Variants in SMC6 observed in about 807,000 individuals in gnomAD.
SMC6 encodes structural maintenance of chromosomes protein 6.
SMC6 carries 79 observed loss-of-function variants against 142.2 expected under a neutral mutation model. That is an observed-to-expected ratio of 0.56 (90% CI 0.46 to 0.67). SMC6 has a LOEUF of 0.67. Ranked by LOEUF, SMC6 falls within the 30% of genes least tolerant of loss-of-function variation. The pLI is 0.00. For missense variants in SMC6, 1,072 were observed against 1,284.0 expected (o/e 0.83, Z 2.52); for synonymous variants, 411 against 412.4 (o/e 1.00, Z 0.04).
intron 9 of SMC6, among the ~76,000 whole-genome samples, chr2:17,723,171 C>A (rs1363361377): frequency 6.6e-6 from 1 of 152,122 alleles, no homozygotes; most frequent in Non-Finnish European, 1.5e-5. Flanking sequence ...ACAACATCTG[C>A]CTAGATCATT....
chr2:17,663,971 C>T lies in SMC6; in HGVS notation c.*1528G>A, dbSNP rs187538248. On this transcript the variant is annotated 3_prime_UTR_variant, in exon 28 of 28. Transcript: ENST00000448223. ...AAATCAAAACTTTGTGAGGCCAAAG[C>T]AATGAATAATCTTCAATTCAACAAG... is the stretch of plus-strand genomic sequence containing the variant. The T allele has an allele frequency of 6.6e-6, 1 of 152,226 alleles. No individual in the cohort carries two copies. Among genetic ancestry groups the T allele is most frequent in the East Asian group, 1.9e-4 (1 of 5,192 alleles). 9.4% of individuals were successfully genotyped at this position (152,226 alleles called of 1,614,324 possible).
chr2:17,745,387 T>C (rs931675831), intron 3 of SMC6, among the ~76,000 whole-genome samples: 2 of 152,238 alleles, frequency 1.3e-5, no homozygotes, highest in East Asian at 1.9e-4. Context: ...TATAGGGCTA[T>C]TCAGATGATC....
chr2:17,665,425 A>T lies in SMC6; in HGVS notation c.*74T>A. 1 of 871,308 alleles carries T rather than the reference A, an allele frequency of 1.1e-6. No individual in the cohort carries two copies. The highest frequency in any genetic ancestry group is 1.7e-6 in the Non-Finnish European group (1 of 577,272). The allele number at this position is 871,308 out of a possible 1,614,324, so 54.0% of individuals were successfully genotyped here. A position where few individuals can be genotyped will look rare whatever the true frequency, so the allele number is the denominator to read the frequency against. ...AGAATGCCTCCAGTCTCATTTTATT[A>T]TATCAAAGAGTCCAGAATTTTTTTT... is the stretch of plus-strand genomic sequence containing the variant. On this transcript the variant is annotated 3_prime_UTR_variant, in exon 28 of 28. Coordinates refer to ENST00000448223, the MANE Select transcript of SMC6 (RefSeq NM_001142286.2).
At chr2:17,725,464 ATG>A (rs1180429009) in intron 8 of SMC6, 106 bp from the exon 9 acceptor site, 1 of 651,902 alleles carries the variant, frequency 1.5e-6, no homozygotes, top group African/African-American at 1.9e-5. Context: ...TAGATCAATG[ATG>A]TAAAAAGACA....
In SMC6 at chr2:17,748,469, C is replaced by T. The variant is rs118007252; in HGVS notation, c.-5-2518G>A. Among the ~76,000 whole-genome samples the T allele has an allele frequency of 3.3e-4, 50 of 152,290 alleles. 2 individuals are homozygous for T. In the East Asian group the frequency reaches 9.6e-3, roughly 29 times the overall value. On this transcript the variant is annotated intron_variant, in intron 2 of 27. Transcript: ENST00000448223. ...TAACCTAAACAAATGCCTTTTAAGA[C>T]AATATTACCATTACAGTTACAGCTA...
At position 17,731,766 on chromosome 2, in the gene SMC6, T is replaced by G. The variant is rs1669924555; in HGVS notation, c.456A>C (p.Arg152=). The part of the protein sequence containing the change: ...IQQHISIDGS[R]SYKLKSATGS... ...CTGTTGCACTTTTAAGTTTATAAGA[T>G]CGACTTCCATCTATGCTGATGTGTT... The change falls in exon 6 of 28, where the codon CGA becomes CGC. Residue 152 remains arginine (R), a synonymous_variant. Coordinates refer to ENST00000448223, the MANE Select transcript of SMC6 (RefSeq NM_001142286.2). The G allele has an allele frequency of 6.2e-7, 1 of 1,613,002 alleles. No homozygotes were observed. The highest frequency in any genetic ancestry group is 8.5e-7 in the Non-Finnish European group (1 of 1,179,592).
At chr2:17,705,375 G>A (rs747146528) in intron 18 of SMC6, among the ~76,000 whole-genome samples, 1 of 152,094 alleles carries the variant, frequency 6.6e-6, no homozygotes, top group Non-Finnish European at 1.5e-5. Flanking sequence ...CCAGGAGTTT[G>A]AGACCAGCCT....
At chr2:17,691,199 T>C (rs988952405) in intron 23 of SMC6, among the ~76,000 whole-genome samples, 1 of 145,612 alleles carries the variant, frequency 6.9e-6, no homozygotes, top group African/African-American at 2.5e-5. Context: ...TCAACCCACA[T>C]GTCCATTAAT....
rs1469893852 is a variant in SMC6 at position 17,715,255 on chromosome 2, T to C, written c.1526-190A>G. Among the ~76,000 whole-genome samples the C allele has an allele frequency of 5.9e-5, 9 of 152,308 alleles. No homozygotes were observed. In the South Asian group the frequency reaches 1.0e-3, roughly 18 times the overall value. On this transcript the variant is annotated intron_variant, in intron 15 of 27. Transcript: ENST00000448223. ...TTTATATAAAGCAGTTTAAATAATA[T>C]TTTAACTGAATGGGAAATCCCCTAT...
In SMC6 at chr2:17,664,564, G is replaced by GT. The variant is rs1335640960; in HGVS notation, c.*934dup. ...TAATACAGGGAGCAATAAAATTCAT[G>GT]TTTTCTAAAATAAAAAGTTCATAAA... is the stretch of plus-strand genomic sequence containing the variant. On this transcript the variant is annotated 3_prime_UTR_variant, in exon 28 of 28. Coordinates refer to ENST00000448223, the MANE Select transcript of SMC6 (RefSeq NM_001142286.2). The GT allele has an allele frequency of 6.6e-6, 1 of 152,142 alleles. No individual in the cohort carries two copies. 9.4% of individuals were successfully genotyped at this position (152,142 alleles called of 1,614,324 possible).
rs769600117 is a variant in SMC6 at position 17,666,439 on chromosome 2, G to A, written c.3142C>T (p.Leu1048Phe). ...DSQRFRQFIL[L>F]TPQSMSSLPS... is the part of the protein sequence containing the mutation. ...AGTTACCTCATGCTTTGAGGTGTGA[G>A]CAAGATAAACTGTCTAAAACGCTGG... Residue 1048 changes from leucine to phenylalanine, a missense_variant, in exon 27 of 28, where the codon CTC becomes TTC. Physicochemically the swap from Leu to Phe is conservative, Grantham distance 22 (BLOSUM62 0). Transcript: ENST00000448223. The A allele has an allele frequency of 3.1e-6, 5 of 1,613,496 alleles. No homozygotes were observed. In the South Asian group the frequency reaches 5.5e-5, roughly 18 times the overall value.
At chr2:17,704,616 T>C (rs1177747517) in intron 18 of SMC6, among the ~76,000 whole-genome samples, 1 of 152,194 alleles carries the variant, frequency 6.6e-6, no homozygotes, top group Admixed American at 6.5e-5. Flanking sequence ...GATGAATATT[T>C]CTCCACATTT....
At chr2:17,717,546 C>G (rs897125527) in intron 12 of SMC6, among the ~76,000 whole-genome samples, 7 of 152,144 alleles carry the variant, frequency 4.6e-5, no homozygotes, top group African/African-American at 1.4e-4. Flanking sequence ...TGGCACGCCC[C>G]TATAGTCCCA....
rs186276632 is a variant in SMC6, at chr2:17,678,836, A to G, written c.2910+23T>C. 9,282 of 1,482,978 alleles carry G rather than the reference A, an allele frequency of 6.3e-3. 38 individuals carry two copies. Among genetic ancestry groups the G allele is most frequent in the Non-Finnish European group, 7.8e-3 (8,463 of 1,079,196 alleles). 91.9% of individuals were successfully genotyped at this position (1,482,978 alleles called of 1,614,324 possible). A position where few individuals can be genotyped will look rare whatever the true frequency, so the allele number is the denominator to read the frequency against. On this transcript the variant is annotated intron_variant, in intron 25 of 27. Coordinates refer to ENST00000448223, the MANE Select transcript of SMC6 (RefSeq NM_001142286.2). The stretch of plus-strand genomic sequence containing the variant: ...ACAACTAGTTTTTCTAATGATTAGG[A>G]TGAAAAGAATTAGGATACTTACTGA...
intron 9 of SMC6, among the ~76,000 whole-genome samples, 184 bp downstream of exon 9, chr2:17,725,073 T>C (rs1479560364): frequency 6.6e-6 from 1 of 152,072 alleles, no homozygotes; most frequent in Non-Finnish European, 1.5e-5. Flanking sequence ...TATTACAAAA[T>C]AAAAAAGTAA....
intron 18 of SMC6, among the ~76,000 whole-genome samples, chr2:17,704,796 G>C (rs2124950887): frequency 6.6e-6 from 1 of 152,196 alleles, no homozygotes; most frequent in East Asian, 1.9e-4. Context: ...ATAAATGTTA[G>C]CTGAATAAAT....
chr2:17,742,212 C>A (rs557072837), intron 3 of SMC6, among the ~76,000 whole-genome samples: 1 of 152,286 alleles, frequency 6.6e-6, no homozygotes, highest in African/African-American at 2.4e-5. Flanking sequence ...TTCCTATATA[C>A]TTTATTTAGA....
chr2:17,745,725 TC>T (rs1356021433), intron 3 of SMC6, 101 bp downstream of exon 3: 1 of 1,267,810 alleles, frequency 7.9e-7, no homozygotes. Flanking sequence ...TTTTAAAAAA[TC>T]ATATTACTTT....
intron 23 of SMC6, among the ~76,000 whole-genome samples, chr2:17,691,248 A>T (rs1412899733): frequency 7.0e-6 from 1 of 142,044 alleles, no homozygotes; most frequent in Non-Finnish European, 1.6e-5. Context: ...ACACACACAC[A>T]CACACACACA....
Sources: allele counts gnomAD v4.1 joint callset (sites outside exome capture counted in the v4.1 genomes callset), GRCh38; gene constraint gnomAD v4.1.1; transcripts MANE v1.5; gene names NCBI Gene and HGNC (gene_info 2026-07-23, HGNC 2026-07-21).